Variants in BAIAP2L1 observed in about 807,000 individuals in gnomAD.
BAIAP2L1 encodes BAR/IMD domain containing adaptor protein 2 like 1, also known as BAR/IMD domain-containing adapter protein 2-like 1.
A neutral mutation model predicts 66.3 loss-of-function variants in BAIAP2L1; 35 were observed. The ratio of observed to expected loss-of-function variants is 0.53; its 90% CI spans 0.40 to 0.70. The LOEUF is 0.70. Ranked by LOEUF, BAIAP2L1 falls within the 30% of genes least tolerant of loss-of-function variation. The pLI is 0.00. For missense variants in BAIAP2L1, 622 were observed against 656.9 expected (o/e 0.95, Z 0.58); for synonymous variants, 269 against 248.7 (o/e 1.08, Z -0.77).
At chr7:98,356,622 A>C (rs910770530) in intron 2 of BAIAP2L1, among the ~76,000 whole-genome samples, 32 of 146,720 alleles carry the variant, frequency 2.2e-4, no homozygotes, top group African/African-American at 6.5e-4. Context: ...TCAGCCTCCC[A>C]AGTAGCTGGG....
intron 12 of BAIAP2L1, 61 bp downstream of exon 12, chr7:98,304,135 C>A: frequency 6.8e-7 from 1 of 1,472,040 alleles, no homozygotes; most frequent in Admixed American, 2.5e-5. Context: ...ACAGGACCTG[C>A]GCCTCCCAGT....
At chr7:98,330,514 G>A (rs910511629) in intron 3 of BAIAP2L1, among the ~76,000 whole-genome samples, 8 of 152,038 alleles carry the variant, frequency 5.3e-5, no homozygotes, top group African/African-American at 7.2e-5. Context: ...AAAATTAGCC[G>A]GGCGTGGTGG....
intron 6 of BAIAP2L1, 34 bp from the exon 7 acceptor site, chr7:98,315,646 T>TA (rs780906675): frequency 1.9e-6 from 2 of 1,070,970 alleles, no homozygotes; most frequent in Non-Finnish European, 2.4e-6. Flanking sequence ...ATAATAATTA[T>TA]ATAAGCATGA....
At chr7:98,376,465 C>T (rs1802632676) in intron 1 of BAIAP2L1, among the ~76,000 whole-genome samples, 1 of 151,900 alleles carries the variant, frequency 6.6e-6, no homozygotes, top group Non-Finnish European at 1.5e-5. Context: ...GAGCCACGAT[C>T]ACACAACCAT....
At chr7:98,347,871 T>G (rs1328309447) in intron 3 of BAIAP2L1, among the ~76,000 whole-genome samples, 1 of 151,914 alleles carries the variant, frequency 6.6e-6, no homozygotes, top group African/African-American at 2.4e-5. Context: ...ACCATCATTC[T>G]CAGGAAACTA....
chr7:98,330,745 C>T (rs897112179), intron 3 of BAIAP2L1, among the ~76,000 whole-genome samples: 4 of 152,110 alleles, frequency 2.6e-5, no homozygotes, highest in Non-Finnish European at 5.9e-5. Flanking sequence ...TCTGGCGAGC[C>T]CTCAGGAAAC....
intron 1 of BAIAP2L1, among the ~76,000 whole-genome samples, chr7:98,385,332 T>C (rs1293832603): frequency 6.6e-6 from 1 of 152,084 alleles, no homozygotes; most frequent in Non-Finnish European, 1.5e-5. Context: ...TTGCGGCCTT[T>C]GCGATCTGAG....
intron 1 of BAIAP2L1, among the ~76,000 whole-genome samples, chr7:98,372,085 C>T (rs1272635113): frequency 1.3e-5 from 2 of 151,998 alleles, no homozygotes; most frequent in African/African-American, 2.4e-5. Flanking sequence ...TGAGCCATCG[C>T]GCCCGGCCCT....
In BAIAP2L1 at chr7:98,349,444, C is replaced by T. The variant is rs74689549; in HGVS notation, c.214+5598G>A. On this transcript the variant is annotated intron_variant, in intron 3 of 13. Transcript: ENST00000005260. ...GCTACGCCTCTGTGATTTCCACTAT[C>T]CTTACCCCGTAACTCCTGGCGTTTA... Among the ~76,000 whole-genome samples, 1,123 of 152,298 alleles carry T rather than the reference C, an allele frequency of 7.4e-3. 11 individuals are homozygous for T. The highest frequency in any genetic ancestry group is 0.026 in the African/African-American group (1,070 of 41,544).
chr7:98,375,880 C>T (rs60282356), intron 1 of BAIAP2L1, among the ~76,000 whole-genome samples: 3,502 of 152,170 alleles, frequency 0.023, 135 homozygotes, highest in African/African-American at 0.08. Context: ...AAGTCTCATA[C>T]CCTTTCTTTT....
chr7:98,386,737 G>A (rs1021073759), intron 1 of BAIAP2L1, among the ~76,000 whole-genome samples: 1 of 109,854 alleles, frequency 9.1e-6, no homozygotes, highest in African/African-American at 3.6e-5. Flanking sequence ...GTCTCGCTCT[G>A]TCGCCAGGCT....
chr7:98,366,650 G>A (rs1802394682), intron 1 of BAIAP2L1, among the ~76,000 whole-genome samples: 1 of 152,100 alleles, frequency 6.6e-6, no homozygotes, highest in Non-Finnish European at 1.5e-5. Context: ...TCAAAAGGAA[G>A]AAAATAAAAT....
At chr7:98,330,308 G>A (rs1801464630) in intron 3 of BAIAP2L1, among the ~76,000 whole-genome samples, 1 of 152,176 alleles carries the variant, frequency 6.6e-6, no homozygotes, top group African/African-American at 2.4e-5. Context: ...GAGATGATGT[G>A]TTAGTCCGTT....
intron 3 of BAIAP2L1, among the ~76,000 whole-genome samples, chr7:98,348,764 T>G (rs1801933784): frequency 6.6e-6 from 1 of 152,168 alleles, no homozygotes; most frequent in South Asian, 2.1e-4. Context: ...ATCATCTCAT[T>G]TCATCTAATG....
intron 1 of BAIAP2L1, chr7:98,386,217 G>A (rs1802887419): frequency 1.1e-5 from 16 of 1,516,732 alleles, no homozygotes; most frequent in South Asian, 7.8e-5. Flanking sequence ...TGACATCAAC[G>A]TGAGCTTCAA....
At chr7:98,313,138 AC>A (rs1800934215) in intron 7 of BAIAP2L1, among the ~76,000 whole-genome samples, 1 of 14,102 alleles carries the variant, frequency 7.1e-5, no homozygotes, top group South Asian at 1.5e-3. Flanking sequence ...CCCACCCCCA[AC>A]TGTCACCCCA....
intron 3 of BAIAP2L1, among the ~76,000 whole-genome samples, chr7:98,351,033 A>AT (rs969778932): frequency 2.5e-4 from 38 of 151,548 alleles, no homozygotes; most frequent in African/African-American, 4.1e-4. Flanking sequence ...ATTTTTTGGT[A>AT]TTTTTTTTAG....
At chr7:98,383,675 T>C (rs371710550) in intron 1 of BAIAP2L1, among the ~76,000 whole-genome samples, 3 of 152,336 alleles carry the variant, frequency 2.0e-5, no homozygotes, top group Admixed American at 2.0e-4. Context: ...AGTTTGTGCA[T>C]GTGTGGGAGA....
chr7:98,375,060 T>G (rs1021256766), intron 1 of BAIAP2L1, among the ~76,000 whole-genome samples: 2 of 150,636 alleles, frequency 1.3e-5, no homozygotes, highest in African/African-American at 2.4e-5. Flanking sequence ...GCACTCCAGC[T>G]TGGGTGACAC....
Sources: allele counts gnomAD v4.1 joint callset (sites outside exome capture counted in the v4.1 genomes callset), GRCh38; gene constraint gnomAD v4.1.1; transcripts MANE v1.5; gene names NCBI Gene and HGNC (gene_info 2026-07-23, HGNC 2026-07-21).